Variants in WWOX observed in about 807,000 individuals in gnomAD.
WWOX encodes WW domain containing oxidoreductase.
A neutral mutation model predicts 46.2 loss-of-function variants in WWOX; 69 were observed. The ratio of observed to expected loss-of-function variants is 1.49; its 90% CI spans 1.23 to 1.82. The LOEUF is 1.82. WWOX is among the 40% of genes most tolerant of loss of function. The pLI is 0.00. For missense variants in WWOX, 919 were observed against 542.6 expected, an observed-to-expected ratio of 1.69 and a Z score of -6.89; for synonymous variants, 359 against 202.6, an observed-to-expected ratio of 1.77 and a Z score of -6.56.
intron 8 of WWOX, among the ~76,000 whole-genome samples, chr16:78,634,309 T>C (rs1031588063): frequency 2.0e-5 from 3 of 152,216 alleles, no homozygotes; most frequent in African/African-American, 7.2e-5. Flanking sequence ...GTGGAAATGA[T>C]ACGCTTCAGC....
At chr16:78,712,659 G>C (rs2048468085) in intron 8 of WWOX, among the ~76,000 whole-genome samples, 1 of 152,146 alleles carries the variant, frequency 6.6e-6, no homozygotes, top group Admixed American at 6.5e-5. Flanking sequence ...GTAGCTAATA[G>C]ATAGTATTAA....
At chr16:79,114,762 C>T (rs1390364095) in intron 8 of WWOX, among the ~76,000 whole-genome samples, 4 of 152,120 alleles carry the variant, frequency 2.6e-5, no homozygotes, top group African/African-American at 7.2e-5. Context: ...AAGATATACC[C>T]TTTAGCCAAG....
intron 8 of WWOX, among the ~76,000 whole-genome samples, chr16:79,182,344 T>C (rs1209261710): frequency 1.3e-5 from 2 of 152,102 alleles, no homozygotes; most frequent in African/African-American, 4.8e-5. Context: ...GCCTTTTGTG[T>C]CTCCCTACTT....
intron 8 of WWOX, among the ~76,000 whole-genome samples, chr16:78,846,053 A>T (rs1567600405): frequency 6.6e-6 from 1 of 152,198 alleles, no homozygotes; most frequent in Non-Finnish European, 1.5e-5. Context: ...TGGAGTTTGG[A>T]ATCTGGCACA....
intron 4 of WWOX, among the ~76,000 whole-genome samples, chr16:78,139,505 C>T (rs1022686988): frequency 6.6e-6 from 1 of 152,022 alleles, no homozygotes; most frequent in Non-Finnish European, 1.5e-5. Context: ...ATTAGTTGGG[C>T]GTACTGGCAG....
At chr16:78,795,117 G>A (rs1326513107) in intron 8 of WWOX, among the ~76,000 whole-genome samples, 1 of 152,154 alleles carries the variant, frequency 6.6e-6, no homozygotes, top group African/African-American at 2.4e-5. Flanking sequence ...TGGAGGAGGT[G>A]ATGGTGATGA....
intron 8 of WWOX, among the ~76,000 whole-genome samples, chr16:79,165,680 A>C (rs769700962): frequency 1.3e-5 from 2 of 152,226 alleles, no homozygotes; most frequent in South Asian, 4.1e-4. Flanking sequence ...AGTAGCACAC[A>C]AACCCAGTCC....
chr16:79,035,661 C>T (rs1373225848), intron 8 of WWOX, among the ~76,000 whole-genome samples: 1 of 152,176 alleles, frequency 6.6e-6, no homozygotes, highest in East Asian at 1.9e-4. Flanking sequence ...GCCTCAGCCT[C>T]CCAAGTAGCT....
intron 8 of WWOX, among the ~76,000 whole-genome samples, chr16:78,648,411 G>T (rs2046893922): frequency 6.6e-6 from 1 of 152,166 alleles, no homozygotes; most frequent in African/African-American, 2.4e-5. Flanking sequence ...CATTTTTGCA[G>T]ATGGTTGTAA....
At chr16:79,207,800 T>A (rs1311437549) in intron 8 of WWOX, among the ~76,000 whole-genome samples, 1 of 152,182 alleles carries the variant, frequency 6.6e-6, no homozygotes, top group Non-Finnish European at 1.5e-5. Context: ...TTTTTTTTCT[T>A]TACCATATAT....
intron 6 of WWOX, among the ~76,000 whole-genome samples, chr16:78,418,602 A>G (rs1037454349): frequency 5.9e-5 from 9 of 152,198 alleles, no homozygotes; most frequent in Non-Finnish European, 1.2e-4. Context: ...AAAGAATTGT[A>G]TATTATGACT....
chr16:79,020,239 C>T (rs189565344), intron 8 of WWOX, among the ~76,000 whole-genome samples: 2 of 152,320 alleles, frequency 1.3e-5, no homozygotes, highest in East Asian at 1.9e-4. Context: ...AAGGATGCTG[C>T]AAGGCGCAGT....
At chr16:78,311,203 G>A (rs1044306563) in intron 5 of WWOX, among the ~76,000 whole-genome samples, 1 of 152,152 alleles carries the variant, frequency 6.6e-6, no homozygotes, top group Non-Finnish European at 1.5e-5. Context: ...TGTCTAGGTG[G>A]CACAGTGTGG....
chr16:78,958,714 G>C (rs2046217339), intron 8 of WWOX, among the ~76,000 whole-genome samples: 2 of 152,278 alleles, frequency 1.3e-5, no homozygotes, highest in Non-Finnish European at 2.9e-5. Context: ...GGTATGTGCA[G>C]GTATCACCAG....
chr16:78,441,025 C>G (rs916283418), intron 8 of WWOX, among the ~76,000 whole-genome samples: 2 of 152,202 alleles, frequency 1.3e-5, no homozygotes, highest in African/African-American at 4.8e-5. Context: ...TCACTGCAGC[C>G]TCCGCCTCCC....
intron 8 of WWOX, among the ~76,000 whole-genome samples, chr16:78,695,843 C>T (rs1007771924): frequency 6.6e-6 from 1 of 152,180 alleles, no homozygotes; most frequent in Admixed American, 6.5e-5. Flanking sequence ...ATCAGGTACG[C>T]TGTGGAAGGA....
At position 78,462,689 on chromosome 16, in the gene WWOX, G is replaced by C. The variant is rs148523482; in HGVS notation, c.1056+29937G>C. ...GTAATAGAGTCATAATTGGTGATTAGAACTGGAAAGGTGCAATAACATCTT... is the reference window on the plus strand; with the variant it reads ...GTAATAGAGTCATAATTGGTGATTACAACTGGAAAGGTGCAATAACATCTT... On this transcript the variant is annotated intron_variant, in intron 8 of 8. Coordinates refer to ENST00000566780, the MANE Select transcript of WWOX (RefSeq NM_016373.4). 2.0e-4 allele frequency among the ~76,000 whole-genome samples: 30 copies of C among 152,318 alleles called. No individual in the cohort carries two copies. In the East Asian group the frequency reaches 5.8e-3, roughly 29 times the overall value.
intron 8 of WWOX, among the ~76,000 whole-genome samples, chr16:78,459,980 A>G (rs1425287220): frequency 1.3e-5 from 2 of 150,778 alleles, no homozygotes; most frequent in Non-Finnish European, 3.0e-5. Context: ...AATTTTTTGT[A>G]TTATTTATAG....
chr16:78,591,894 C>T (rs778032763), intron 8 of WWOX, among the ~76,000 whole-genome samples: 6 of 152,170 alleles, frequency 3.9e-5, no homozygotes, highest in Non-Finnish European at 8.8e-5. Flanking sequence ...TCTAGTTTTC[C>T]AGAAAACCAC....
Sources: gnomAD v4.1 joint callset for allele counts (sites outside exome capture counted in the v4.1 genomes callset) on GRCh38, gnomAD v4.1.1 for gene constraint, MANE v1.5 for transcripts, NCBI Gene and HGNC (gene_info 2026-07-23, HGNC 2026-07-21) for gene names.